HMOX2: variants seen among roughly 807,000 people sequenced by gnomAD.
The protein encoded by HMOX2 is heme oxygenase 2.
HMOX2 carries 30 observed loss-of-function variants against 33.7 expected under a neutral mutation model. That is an observed-to-expected ratio of 0.89 (90% CI 0.67 to 1.21). HMOX2 has a LOEUF of 1.21. HMOX2 is among the 50% of genes most tolerant of loss of function. The pLI is 0.00. For synonymous variants in HMOX2, 155 were observed against 155.0 expected (o/e 1.00, Z 0.00); for missense variants, 403 against 399.1 (o/e 1.01, Z -0.08).
chr16:4,478,606 A>C (rs1255322948), intron 1 of HMOX2, among the ~76,000 whole-genome samples: 1 of 151,614 alleles, frequency 6.6e-6, no homozygotes. Flanking sequence ...AAATAATAAT[A>C]ATACAAAAAT....
intron 3 of HMOX2, among the ~76,000 whole-genome samples, 169 bp downstream of exon 3, chr16:4,507,181 A>C (rs2058715422): frequency 6.6e-6 from 1 of 152,094 alleles, no homozygotes; most frequent in Admixed American, 6.5e-5. Flanking sequence ...ACAGTGGCTC[A>C]TGTCTGTAAT....
At chr16:4,477,474 G>C (rs1200871411) in intron 1 of HMOX2, among the ~76,000 whole-genome samples, 2 of 144,232 alleles carry the variant, frequency 1.4e-5, no homozygotes, top group South Asian at 4.3e-4. Context: ...ACTCCAGCCT[G>C]GGCGACAGAG....
intron 4 of HMOX2, 27 bp from the exon 5 acceptor site, chr16:4,509,385 G>A (rs1196432103): frequency 6.2e-7 from 1 of 1,604,492 alleles, no homozygotes; most frequent in Non-Finnish European, 8.5e-7. Flanking sequence ...GCCCAAAGAT[G>A]GCTCAGTCGA....
chr16:4,493,037 CTT>C (rs887817306), intron 1 of HMOX2, among the ~76,000 whole-genome samples: 1 of 151,960 alleles, frequency 6.6e-6, no homozygotes, highest in East Asian at 1.9e-4. Flanking sequence ...TCTTTTTCCT[CTT>C]TTTTTGAGAC....
At chr16:4,508,257 G>A in intron 4 of HMOX2, 53 bp downstream of exon 4, 2 of 1,546,798 alleles carry the variant, frequency 1.3e-6, no homozygotes, top group South Asian at 1.2e-5. Flanking sequence ...CTTTGACAGT[G>A]GTAGCAGATC....
intron 1 of HMOX2, among the ~76,000 whole-genome samples, chr16:4,477,792 G>A (rs1482468231): frequency 6.6e-6 from 1 of 152,090 alleles, no homozygotes; most frequent in Non-Finnish European, 1.5e-5. Flanking sequence ...GGGGTGGCGC[G>A]TGTCTGTAAT....
Position 4,510,052 on chromosome 16 carries a change from G to C in HMOX2, c.*296G>C, listed in dbSNP as rs531160401. The C allele has an allele frequency of 2.3e-6, 1 of 439,078 alleles. No homozygotes were observed. Among genetic ancestry groups the C allele is most frequent in the East Asian group, 3.7e-5 (1 of 27,016 alleles). 27.2% of individuals were successfully genotyped at this position (439,078 alleles called of 1,614,324 possible). A position where few individuals can be genotyped will look rare whatever the true frequency, so the allele number is the denominator to read the frequency against. On this transcript the variant is annotated 3_prime_UTR_variant, in exon 6 of 6. Coordinates refer to ENST00000570646, the MANE Select transcript of HMOX2 (RefSeq NM_002134.4). ...CACTTCTGGGCCCTAGGCTGCTTCC[G>C]GTAGTCCCTGTTTTTGCAGTACATG...
chr16:4,499,556 T>C (rs2058507687), intron 1 of HMOX2, among the ~76,000 whole-genome samples: 1 of 152,078 alleles, frequency 6.6e-6, no homozygotes, highest in African/African-American at 2.4e-5. Context: ...GGTACAAAAT[T>C]TCAGTTAGGA....
At chr16:4,494,405 A>T (rs2058372196) in intron 1 of HMOX2, among the ~76,000 whole-genome samples, 1 of 152,040 alleles carries the variant, frequency 6.6e-6, no homozygotes, top group African/African-American at 2.4e-5. Context: ...TCTTCGCTCC[A>T]ATCCTGAAAG....
chr16:4,509,265 A>G, intron 4 of HMOX2, 147 bp from the exon 5 acceptor site: 1 of 999,146 alleles, frequency 1.0e-6, no homozygotes, highest in Non-Finnish European at 1.5e-6. Context: ...ACTTGAGCCT[A>G]GGAGTTTGAG....
intron 1 of HMOX2, among the ~76,000 whole-genome samples, chr16:4,501,925 A>G (rs1470335378): frequency 6.6e-6 from 1 of 152,058 alleles, no homozygotes; most frequent in Admixed American, 6.5e-5. Flanking sequence ...CCCAGCCCCC[A>G]GGTCTGTACA....
At chr16:4,501,001 G>A in intron 1 of HMOX2, among the ~76,000 whole-genome samples, 1 of 152,160 alleles carries the variant, frequency 6.6e-6, no homozygotes. Context: ...ATGGGAAAGA[G>A]AGAGGGTAGA....
chr16:4,498,408 C>G (rs2058476849), intron 1 of HMOX2, among the ~76,000 whole-genome samples: 1 of 150,110 alleles, frequency 6.7e-6, no homozygotes, highest in South Asian at 2.1e-4. Flanking sequence ...TTGCATCTCA[C>G]TCCCTTGCCA....
chr16:4,507,972 C>A lies in HMOX2; in HGVS notation c.464C>A (p.Thr155Asn), dbSNP rs141850509. The change falls in exon 4 of 6, where the codon ACC (threonine) becomes AAC (asparagine). Residue 155 changes from threonine to asparagine, a missense_variant. Transcript: ENST00000570646. The stretch of plus-strand genomic sequence containing the variant: ...GAGCTACTGGTGGCCCATGCATACA[C>A]CCGCTACATGGGGGATCTCTCGGGG... ...EPELLVAHAY[T>N]RYMGDLSGGQ... The A allele has an allele frequency of 6.2e-7, 1 of 1,613,928 alleles. No homozygotes were observed. The highest frequency in any genetic ancestry group is 1.1e-5 in the South Asian group (1 of 91,048).
At chr16:4,475,219 C>G (rs1406463613), upstream of HMOX2, among the ~76,000 whole-genome samples, 2 of 152,102 alleles carry the variant, frequency 1.3e-5, no homozygotes, top group Non-Finnish European at 2.9e-5. Flanking sequence ...TCCCAAAGTG[C>G]TGGGAGTACA....
chr16:4,494,875 TA>T (rs573958293), intron 1 of HMOX2, among the ~76,000 whole-genome samples: 23 of 144,740 alleles, frequency 1.6e-4, no homozygotes, highest in Non-Finnish European at 1.7e-4. Flanking sequence ...TGAGACTGTC[TA>T]AAAAAAAAAA....
intron 1 of HMOX2, among the ~76,000 whole-genome samples, chr16:4,491,870 C>T (rs888488441): frequency 1.3e-5 from 2 of 151,820 alleles, no homozygotes; most frequent in South Asian, 2.1e-4. Context: ...TTTTAGTAGA[C>T]GCAGGGTTTT....
At chr16:4,496,281 G>T (rs149371705) in intron 1 of HMOX2, 1 of 151,994 alleles carries the variant, frequency 6.6e-6, no homozygotes, top group Non-Finnish European at 1.5e-5. Context: ...GCGCCACCAC[G>T]CCTGGCTAAT....
intron 1 of HMOX2, among the ~76,000 whole-genome samples, chr16:4,504,319 G>T (rs539576203): frequency 1.8e-3 from 263 of 149,072 alleles, no homozygotes; most frequent in African/African-American, 5.9e-3. Flanking sequence ...TTTCCCTAAG[G>T]TTTTTGAGGT....
Sources: allele counts gnomAD v4.1 joint callset (sites outside exome capture counted in the v4.1 genomes callset), GRCh38; gene constraint gnomAD v4.1.1; transcripts MANE v1.5; gene names NCBI Gene and HGNC (gene_info 2026-07-23, HGNC 2026-07-21).